The following C8A variants were observed in gnomAD, a reference collection of about 807,000 sequenced individuals.
C8A encodes complement C8 alpha chain.
In C8A, 67 loss-of-function variants were observed where a neutral mutation model predicts 65.3. The observed-to-expected ratio is 1.03, with a 90% confidence interval of 0.84 to 1.26. The LOEUF is 1.26. Among genes scored for constraint, C8A ranks in the 50% most tolerant of loss-of-function variants. C8A has a pLI of 0.00. For missense variants in C8A, 781 were observed against 723.9 expected, an observed-to-expected ratio of 1.08 and a Z score of -0.90; for synonymous variants, 290 against 259.4, an observed-to-expected ratio of 1.12 and a Z score of -1.13.
chr1:56,916,725 G>GA (rs1404114471), intron 10 of C8A, among the ~76,000 whole-genome samples: 1 of 151,960 alleles, frequency 6.6e-6, no homozygotes, highest in Non-Finnish European at 1.5e-5. Context: ...AAATTGTGAT[G>GA]AAAAAAATAA....
intron 7 of C8A, among the ~76,000 whole-genome samples, chr1:56,890,808 CT>C (rs1644339093): frequency 6.6e-6 from 1 of 152,086 alleles, no homozygotes; most frequent in African/African-American, 2.4e-5. Flanking sequence ...TAAGCATCAC[CT>C]TTTCAGAGAG....
intron 1 of C8A, among the ~76,000 whole-genome samples, chr1:56,857,382 G>A (rs1260128406): frequency 6.6e-6 from 1 of 151,314 alleles, no homozygotes; most frequent in Non-Finnish European, 1.5e-5. Flanking sequence ...ATCATGAAAG[G>A]CTTCCATTAT....
intron 7 of C8A, among the ~76,000 whole-genome samples, chr1:56,892,389 A>G (rs1286620699): frequency 2.0e-5 from 3 of 152,140 alleles, no homozygotes; most frequent in Non-Finnish European, 4.4e-5. Flanking sequence ...TCATTTTTAC[A>G]GATGAAGGAA....
At chr1:56,855,765 A>G (rs1232790851) in intron 1 of C8A, among the ~76,000 whole-genome samples, 1 of 152,092 alleles carries the variant, frequency 6.6e-6, no homozygotes, top group Non-Finnish European at 1.5e-5. Flanking sequence ...GAATTATTTA[A>G]TTCTAATTCT....
intron 2 of C8A, among the ~76,000 whole-genome samples, chr1:56,868,780 TTTAAGTG>T (rs1553174003): frequency 6.6e-6 from 1 of 152,136 alleles, no homozygotes; most frequent in Non-Finnish European, 1.5e-5. Context: ...TACCTCTGAG[TTTAAGTG>T]TTAAGATTCA....
chr1:56,917,840 G>A lies in C8A; in HGVS notation c.*124G>A, dbSNP rs2101323814. On this transcript the variant is annotated 3_prime_UTR_variant, in exon 11 of 11. Coordinates refer to ENST00000361249, the MANE Select transcript of C8A (RefSeq NM_000562.3). ...GCACACTTTTTTCTTTGTTCTGCCA[G>A]CTTCCAGGCCTAAGACTAGGTTTTG... 2 of 1,210,626 alleles carry A rather than the reference G, an allele frequency of 1.7e-6. No individual in the cohort carries two copies. The highest frequency in any genetic ancestry group is 2.4e-6 in the Non-Finnish European group (2 of 844,940). The allele number at this position is 1,210,626 out of a possible 1,614,324, so 75.0% of individuals were successfully genotyped here.
Position 56,912,528 on chromosome 1 carries a change from C to T in C8A, c.1506C>T (p.Cys502=), listed in dbSNP as rs1223400047. The change falls in exon 10 of 11, where the codon TGC becomes TGT. Residue 502 remains cysteine, a synonymous_variant. Transcript: ENST00000361249. ...TCAATGCCTGCCGATGTGGGCCTTG[C>T]TTCAACAATGGGGTGCCCATCCTCG... ...MEFNACRCGP[C]FNNGVPILEG... is the part of the protein sequence containing the mutation. The T allele has an allele frequency of 6.2e-7, 1 of 1,614,074 alleles. No homozygotes were observed. Among genetic ancestry groups the T allele is most frequent in the African/African-American group, 1.3e-5 (1 of 74,920 alleles).
At position 56,876,158 on chromosome 1, in the gene C8A, A is replaced by G; in HGVS notation, c.413A>G (p.Glu138Gly). Residue 138 changes from glutamate (E) to glycine (G), a missense_variant, in exon 4 of 11, where the codon GAA becomes GGA. Coordinates refer to ENST00000361249, the MANE Select transcript of C8A (RefSeq NM_000562.3). ...TGTGAAGATGTCAGGGCCATTGACG[A>G]AGACTGCAGCCAGTATGAACCAATT... The part of the protein sequence containing the change: ...DDCEDVRAID[E>G]DCSQYEPIPG... The G allele has an allele frequency of 6.2e-7, 1 of 1,613,926 alleles. No homozygotes were observed. Among genetic ancestry groups the G allele is most frequent in the Non-Finnish European group, 8.5e-7 (1 of 1,179,888 alleles).
At chr1:56,901,979 C>T (rs554433951) in intron 7 of C8A, among the ~76,000 whole-genome samples, 4 of 152,282 alleles carry the variant, frequency 2.6e-5, no homozygotes, top group South Asian at 2.1e-4. Flanking sequence ...CACAGTAAAA[C>T]GTCATTAGGT....
At chr1:56,903,829 T>C (rs1416251441) in intron 7 of C8A, among the ~76,000 whole-genome samples, 3 of 152,230 alleles carry the variant, frequency 2.0e-5, no homozygotes, top group Admixed American at 6.5e-5. Flanking sequence ...TTAGAATTGA[T>C]AGAGGTTGGG....
chr1:56,899,966 T>G (rs1360679021), intron 7 of C8A, among the ~76,000 whole-genome samples: 5 of 152,192 alleles, frequency 3.3e-5, no homozygotes, highest in African/African-American at 9.7e-5. Flanking sequence ...GTAGTCTCTG[T>G]TTCAGAATTT....
At chr1:56,905,726 G>A (rs968063340) in intron 7 of C8A, among the ~76,000 whole-genome samples, 4 of 152,186 alleles carry the variant, frequency 2.6e-5, no homozygotes, top group Non-Finnish European at 5.9e-5. Context: ...ATTTTGTATA[G>A]TTGTAGTTTA....
At chr1:56,857,482 G>A (rs1233697999) in intron 1 of C8A, among the ~76,000 whole-genome samples, 1 of 151,698 alleles carries the variant, frequency 6.6e-6, no homozygotes, top group Non-Finnish European at 1.5e-5. Context: ...TGTGTGCATG[G>A]CAAATCTTTT....
chr1:56,867,395 C>T (rs1181311320), intron 1 of C8A, among the ~76,000 whole-genome samples: 1 of 152,148 alleles, frequency 6.6e-6, no homozygotes, highest in East Asian at 1.9e-4. Context: ...GCATGGGGGA[C>T]TGATATAGTA....
At chr1:56,873,952 T>C (rs867942124) in intron 2 of C8A, among the ~76,000 whole-genome samples, 2 of 152,192 alleles carry the variant, frequency 1.3e-5, no homozygotes, top group South Asian at 2.1e-4. Flanking sequence ...AAAGCATGAT[T>C]ATGAAACTCT....
At chr1:56,911,277 CA>C (rs1265160302) in intron 9 of C8A, among the ~76,000 whole-genome samples, 3 of 152,164 alleles carry the variant, frequency 2.0e-5, no homozygotes, top group Non-Finnish European at 4.4e-5. Flanking sequence ...AAGTGAGTCA[CA>C]TTTACTTAGT....
At chr1:56,859,454 T>C (rs1292152088) in intron 1 of C8A, among the ~76,000 whole-genome samples, 1 of 152,176 alleles carries the variant, frequency 6.6e-6, no homozygotes, top group Non-Finnish European at 1.5e-5. Flanking sequence ...AAGAAAGATA[T>C]CTGGAGAGAA....
Position 56,906,763 on chromosome 1 carries a change from A to G in C8A, c.1193A>G (p.His398Arg), listed in dbSNP as rs780137482. Residue 398 changes from histidine (H) to arginine (R), a missense_variant, in exon 8 of 11, where the codon CAT becomes CGT. His to Arg is a conservative substitution (Grantham distance 29). Transcript: ENST00000361249. ...GTTGGTGGAGGTTTATCAGGAGACC[A>G]TTGTAAAAAATTTGGAGGTGGCAAA... ...INVGGGLSGD[H>R]CKKFGGGKTE... 1 of 1,614,146 alleles carries G rather than the reference A, an allele frequency of 6.2e-7. No individual in the cohort carries two copies. The highest frequency in any genetic ancestry group is 8.5e-7 in the Non-Finnish European group (1 of 1,179,982).
intron 7 of C8A, among the ~76,000 whole-genome samples, chr1:56,889,798 G>T (rs186261882): frequency 1.4e-4 from 21 of 152,152 alleles, no homozygotes; most frequent in Admixed American, 3.9e-4. Context: ...TTCTTCTAAT[G>T]TGCCCTTTAG....
Sources: gnomAD v4.1 joint callset for allele counts (sites outside exome capture counted in the v4.1 genomes callset) on GRCh38, gnomAD v4.1.1 for gene constraint, MANE v1.5 for transcripts, NCBI Gene and HGNC (gene_info 2026-07-23, HGNC 2026-07-21) for gene names.